Variants in CPAP observed in about 807,000 individuals in gnomAD.
CPAP encodes the protein centrosomal P4.1-associated protein.
chr13:24,895,495 GT>G, the CPAP span, among the ~76,000 whole-genome samples: 2 of 152,274 alleles, frequency 1.3e-5, no homozygotes, highest in South Asian at 4.2e-4. Context: ...GGAGAATGGC[GT>G]GAAGCCGGGA....
the CPAP span, chr13:24,883,200 C>T: frequency 6.2e-7 from 1 of 1,614,072 alleles, no homozygotes; most frequent in Non-Finnish European, 8.5e-7. Flanking sequence ...TCCATTAGCA[C>T]ATTACCCTCC....
the CPAP span, among the ~76,000 whole-genome samples, chr13:24,903,359 G>C: frequency 1.3e-5 from 2 of 152,270 alleles, no homozygotes; most frequent in South Asian, 4.1e-4. Flanking sequence ...ATCCTTAAAA[G>C]AGGCACCAAG....
chr13:24,896,196 T>C, the CPAP span, among the ~76,000 whole-genome samples: 1 of 152,194 alleles, frequency 6.6e-6, no homozygotes, highest in African/African-American at 2.4e-5. Context: ...GGGTTACACA[T>C]GATAACCAAG....
the CPAP span, among the ~76,000 whole-genome samples, chr13:24,896,389 T>A: frequency 6.6e-6 from 1 of 152,132 alleles, no homozygotes; most frequent in South Asian, 2.1e-4. Context: ...CAGTCCTGCA[T>A]GGTGCAGTGT....
At chr13:24,926,142 G>C in the CPAP span, among the ~76,000 whole-genome samples, 12 of 152,174 alleles carry the variant, frequency 7.9e-5, no homozygotes, top group African/African-American at 2.9e-4. Context: ...GAGGAATGCT[G>C]CAACAGATCA....
the CPAP span, chr13:24,885,517 A>AG: frequency 5.8e-4 from 711 of 1,216,948 alleles, 4 homozygotes; most frequent in African/African-American, 4.1e-3. Context: ...TCTTTTTTAC[A>AG]CGTGGTTTAG....
the CPAP span, among the ~76,000 whole-genome samples, chr13:24,931,028 T>TTGATTTGCACTTC: frequency 6.6e-6 from 1 of 152,202 alleles, no homozygotes; most frequent in Non-Finnish European, 1.5e-5. Context: ...CATTGCAGTT[T>TTGATTTGCACTTC]TGATTTGCAC....
the CPAP span, among the ~76,000 whole-genome samples, chr13:24,921,397 G>C: frequency 1.3e-5 from 2 of 152,054 alleles, no homozygotes; most frequent in Non-Finnish European, 2.9e-5. Context: ...TGGTCTGTAC[G>C]CCTGGAACCG....
At chr13:24,910,181 C>T in the CPAP span, 10 of 1,059,694 alleles carry the variant, frequency 9.4e-6, no homozygotes, top group East Asian at 2.4e-4. Flanking sequence ...GACTTCTCCA[C>T]AGTGACAACA....
chr13:24,884,455 C>A, the CPAP span: 9 of 1,613,944 alleles, frequency 5.6e-6, no homozygotes, highest in Admixed American at 1.7e-5. Context: ...TCTTATAAAC[C>A]TTTTCCACCT....
At chr13:24,883,986 A>T in the CPAP span, 1 of 1,614,176 alleles carries the variant, frequency 6.2e-7, no homozygotes. Context: ...CAATTGTACC[A>T]TCTGGGAAAA....
the CPAP span, chr13:24,886,319 A>G: frequency 4.3e-5 from 55 of 1,289,094 alleles, no homozygotes; most frequent in Non-Finnish European, 5.5e-5. Flanking sequence ...GAATGGCCTG[A>G]AGGAGGAGAG....
At chr13:24,911,645 T>C in the CPAP span, among the ~76,000 whole-genome samples, 1 of 150,790 alleles carries the variant, frequency 6.6e-6, no homozygotes, top group African/African-American at 2.4e-5. Context: ...CAAGCAATCC[T>C]CCCACCTCAG....
At chr13:24,907,244 T>TA in the CPAP span, 1 of 1,426,236 alleles carries the variant, frequency 7.0e-7, no homozygotes. Context: ...TGTGTGAATA[T>TA]TTTACACTTA....
At chr13:24,903,965 T>C in the CPAP span, 1 of 1,614,044 alleles carries the variant, frequency 6.2e-7, no homozygotes, top group Non-Finnish European at 8.5e-7. Context: ...AATGCGAAGT[T>C]TAGCTAAAGA....
the CPAP span, chr13:24,906,641 T>A: frequency 1.2e-6 from 2 of 1,614,242 alleles, no homozygotes; most frequent in South Asian, 2.2e-5. Flanking sequence ...AGAAAGACTT[T>A]TCCTGTTACT....
At chr13:24,899,800 C>T in the CPAP span, among the ~76,000 whole-genome samples, 1 of 151,992 alleles carries the variant, frequency 6.6e-6, no homozygotes, top group East Asian at 1.9e-4. Context: ...GTGGGGAAAC[C>T]ACAGTGAAAA....
At chr13:24,893,987 T>C in the CPAP span, among the ~76,000 whole-genome samples, 4 of 151,426 alleles carry the variant, frequency 2.6e-5, no homozygotes, top group East Asian at 1.9e-4. Flanking sequence ...GTGGCGGGGC[T>C]GTGTGGGGAG....
the CPAP span, chr13:24,910,026 G>A: frequency 6.2e-7 from 1 of 1,613,948 alleles, no homozygotes; most frequent in Non-Finnish European, 8.5e-7. Context: ...TCTCTCTCCA[G>A]TGGTGGTATT....
Sources: allele counts gnomAD v4.1 joint callset (sites outside exome capture counted in the v4.1 genomes callset), GRCh38; gene constraint gnomAD v4.1.1; transcripts MANE v1.5; gene names NCBI Gene and HGNC (gene_info 2026-07-23, HGNC 2026-07-21).